ANKRD30BL: variants seen among roughly 807,000 people sequenced by gnomAD.
The protein encoded by ANKRD30BL is ankyrin repeat domain 30B like, also known as putative ankyrin repeat domain-containing protein 30B-like.
In ANKRD30BL, 20 loss-of-function variants were observed where a neutral mutation model predicts 18.4. The observed-to-expected ratio is 1.09, with a 90% CI of 0.77 to 1.58. The LOEUF is 1.58. Ranked by LOEUF, ANKRD30BL falls within the 40% of genes most tolerant of loss-of-function variation. The pLI is 0.00. For synonymous variants in ANKRD30BL, 72 were observed against 100.9 expected (o/e 0.71, Z 1.72); for missense variants, 224 against 268.6 (o/e 0.83, Z 1.16).
intron 1 of ANKRD30BL, among the ~76,000 whole-genome samples, chr2:132,183,205 C>G (rs1210467128): frequency 6.6e-6 from 1 of 150,770 alleles, no homozygotes; most frequent in African/African-American, 2.5e-5. Context: ...AATCTCGGCT[C>G]GTTGTGACCT....
chr2:132,155,870 G>T (rs1007071828), intron 3 of ANKRD30BL: 11 of 146,914 alleles, frequency 7.5e-5, no homozygotes, highest in African/African-American at 2.3e-4. Flanking sequence ...CTGCACTCCA[G>T]CCTGGTGACA....
chr2:132,248,395 C>G (rs1573893343), intron 1 of ANKRD30BL, among the ~76,000 whole-genome samples: 1 of 152,038 alleles, frequency 6.6e-6, no homozygotes, highest in Admixed American at 6.5e-5. Context: ...ATGCAAACAT[C>G]ATAAAGTAGT....
intron 1 of ANKRD30BL, among the ~76,000 whole-genome samples, chr2:132,249,070 A>G (rs1573894133): frequency 6.6e-6 from 1 of 152,234 alleles, no homozygotes; most frequent in Non-Finnish European, 1.5e-5. Context: ...TGTGAGATGA[A>G]TGCACACATT....
chr2:132,218,711 T>C (rs1434349129), intron 1 of ANKRD30BL, among the ~76,000 whole-genome samples: 1 of 142,284 alleles, frequency 7.0e-6, no homozygotes, highest in East Asian at 2.1e-4. Flanking sequence ...GAACATACCT[T>C]ATCATAGAGC....
intron 1 of ANKRD30BL, among the ~76,000 whole-genome samples, chr2:132,251,631 C>A (rs576902119): frequency 1.4e-3 from 207 of 152,284 alleles, no homozygotes; most frequent in African/African-American, 4.7e-3. Flanking sequence ...CTTTAACATT[C>A]ATCTGTTTTA....
At position 132,147,774 on chromosome 2, in the gene ANKRD30BL, A is replaced by C. The variant is rs1288848359; in HGVS notation, c.*357T>G. 1 of 263,690 alleles carries C rather than the reference A, an allele frequency of 3.8e-6. No individual in the cohort carries two copies. The highest frequency in any genetic ancestry group is 7.6e-6 in the Non-Finnish European group (1 of 131,730). The allele number at this position is 263,690 out of a possible 1,614,324, so 16.3% of individuals were successfully genotyped here. A position where few individuals can be genotyped will look rare whatever the true frequency, so the allele number is the denominator to read the frequency against. Reference sequence around the variant, plus strand: ...CACTCTAAGCCAATTCAGATTGGCTATTTAAAGAGGGCAGGGGTATGAGCT... The same window carrying C: ...CACTCTAAGCCAATTCAGATTGGCTCTTTAAAGAGGGCAGGGGTATGAGCT... On this transcript the variant is annotated 3_prime_UTR_variant, in exon 6 of 6. Coordinates refer to ENST00000409867, the MANE Select transcript of ANKRD30BL (RefSeq NM_001358416.1).
chr2:132,226,686 G>A (rs1046341106), intron 1 of ANKRD30BL, among the ~76,000 whole-genome samples: 1 of 151,516 alleles, frequency 6.6e-6, no homozygotes, highest in Non-Finnish European at 1.5e-5. Context: ...GGTGGAAAAG[G>A]AAATATCTTC....
At chr2:132,238,734 A>G (rs955373081) in intron 1 of ANKRD30BL, among the ~76,000 whole-genome samples, 5 of 151,880 alleles carry the variant, frequency 3.3e-5, no homozygotes, top group African/African-American at 9.7e-5. Context: ...TTTTTTAAAA[A>G]TCTGCAAGTG....
intron 1 of ANKRD30BL, among the ~76,000 whole-genome samples, chr2:132,199,556 G>A (rs920327432): frequency 2.0e-5 from 3 of 151,404 alleles, no homozygotes; most frequent in African/African-American, 7.3e-5. Flanking sequence ...GTCCAAGCTG[G>A]AGTGCAGTGG....
At chr2:132,184,352 T>C (rs573770853) in intron 1 of ANKRD30BL, among the ~76,000 whole-genome samples, 1 of 152,278 alleles carries the variant, frequency 6.6e-6, no homozygotes, top group Admixed American at 6.5e-5. Flanking sequence ...TTATTTTGAG[T>C]CCTCAAAACC....
chr2:132,175,672 A>G (rs1456474543), intron 1 of ANKRD30BL, among the ~76,000 whole-genome samples: 2 of 152,252 alleles, frequency 1.3e-5, no homozygotes, highest in East Asian at 3.9e-4. Context: ...CATGTGGAGA[A>G]TCCTTGGACA....
intron 1 of ANKRD30BL, among the ~76,000 whole-genome samples, chr2:132,213,424 C>G (rs541414045): frequency 0.043 from 5,700 of 131,668 alleles, 260 homozygotes; most frequent in African/African-American, 0.16. Flanking sequence ...TTTGTAGAAC[C>G]CGCAAGGGAC....
At chr2:132,195,999 C>T (rs1431480158) in intron 1 of ANKRD30BL, among the ~76,000 whole-genome samples, 8 of 150,734 alleles carry the variant, frequency 5.3e-5, no homozygotes, top group Non-Finnish European at 7.4e-5. Context: ...AAAATTAGCC[C>T]AGCATGGTGG....
intron 1 of ANKRD30BL, among the ~76,000 whole-genome samples, chr2:132,212,802 A>T (rs1234607323): frequency 2.0e-5 from 3 of 151,998 alleles, no homozygotes; most frequent in African/African-American, 7.2e-5. Context: ...TGGAAAAGGA[A>T]ATGTCCTCAC....
intron 1 of ANKRD30BL, among the ~76,000 whole-genome samples, chr2:132,173,748 T>C (rs1688320209): frequency 6.6e-6 from 1 of 152,202 alleles, no homozygotes; most frequent in Admixed American, 6.5e-5. Flanking sequence ...CAGAGGTTTA[T>C]TTTGTATTTG....
chr2:132,152,286 G>A (rs1162936275), intron 4 of ANKRD30BL: 10 of 152,268 alleles, frequency 6.6e-5, no homozygotes, highest in African/African-American at 2.2e-4. Flanking sequence ...ATCTTTGTGC[G>A]GGGACCATGC....
chr2:132,160,601 G>A (rs1420688424), intron 1 of ANKRD30BL, among the ~76,000 whole-genome samples: 32 of 151,182 alleles, frequency 2.1e-4, no homozygotes, highest in African/African-American at 6.8e-4. Flanking sequence ...ACCACGCCCG[G>A]CTAATTTTTT....
At chr2:132,240,530 T>C (rs1259562017) in intron 1 of ANKRD30BL, among the ~76,000 whole-genome samples, 3 of 151,944 alleles carry the variant, frequency 2.0e-5, no homozygotes, top group Admixed American at 6.6e-5. Context: ...AGAAACTTCC[T>C]TTTGATGGGT....
intron 1 of ANKRD30BL, among the ~76,000 whole-genome samples, chr2:132,210,346 C>T (rs1297028165): frequency 6.6e-6 from 1 of 151,258 alleles, no homozygotes; most frequent in African/African-American, 2.4e-5. Flanking sequence ...CGCTTTGCGG[C>T]CAATGGTGGT....
Sources: gnomAD v4.1 joint callset for allele counts (sites outside exome capture counted in the v4.1 genomes callset) on GRCh38, gnomAD v4.1.1 for gene constraint, MANE v1.5 for transcripts, NCBI Gene and HGNC (gene_info 2026-07-23, HGNC 2026-07-21) for gene names.